IMPA2: variants seen among roughly 807,000 people sequenced by gnomAD.
The protein encoded by IMPA2 is IMP 2.
A neutral mutation model predicts 35.1 loss-of-function variants in IMPA2; 32 were observed. The ratio of observed to expected loss-of-function variants is 0.91; its 90% CI spans 0.69 to 1.23. The LOEUF (loss-of-function observed/expected upper bound fraction) is 1.23. Among genes scored for constraint, IMPA2 ranks in the 50% most tolerant of loss-of-function variants. The probability of loss-of-function intolerance (pLI) is 0.00; values close to 1 mark genes in which losing one functional copy is unlikely to be tolerated. For synonymous variants in IMPA2, 135 were observed against 160.6 expected (o/e 0.84, Z 1.20); for missense variants, 334 against 387.6 (o/e 0.86, Z 1.16).
At chr18:11,984,374 G>A (rs1167394778) in intron 1 of IMPA2, among the ~76,000 whole-genome samples, 2 of 152,224 alleles carry the variant, frequency 1.3e-5, no homozygotes, top group East Asian at 3.9e-4. Flanking sequence ...AGTGACCACA[G>A]CCCCACCCCA....
In IMPA2 at chr18:12,010,098, A is replaced by C; in HGVS notation, c.335+111A>C. On this transcript the variant is annotated intron_variant, in intron 3 of 7. Coordinates refer to ENST00000269159, the MANE Select transcript of IMPA2 (RefSeq NM_014214.3). This position sits in a 1 kb window ranked among gnomAD's most constrained non-coding sequence, Gnocchi z 4.8. The stretch of plus-strand genomic sequence containing the variant: ...AAGGCAGGAATATATAAACAAACCT[A>C]TAGTACACTCATAGTCTCATCAGAA... The C allele has an allele frequency of 2.8e-6, 2 of 711,542 alleles. No individual in the cohort carries two copies. The highest frequency in any genetic ancestry group is 4.9e-6 in the Non-Finnish European group (2 of 405,408). 44.1% of individuals were successfully genotyped at this position (711,542 alleles called of 1,614,324 possible). A position where few individuals can be genotyped will look rare whatever the true frequency, so the allele number is the denominator to read the frequency against.
In IMPA2 at chr18:12,028,185, C is replaced by T. The variant is rs752002214; in HGVS notation, c.599+34C>T. 1.3e-5 allele frequency: 18 copies of T among 1,380,878 alleles called. No individual in the cohort carries two copies. The Admixed American group carries it at 3.1e-4, about 24-fold the overall frequency. 85.5% of individuals were successfully genotyped at this position (1,380,878 alleles called of 1,614,324 possible). A position where few individuals can be genotyped will look rare whatever the true frequency, so the allele number is the denominator to read the frequency against. On this transcript the variant is annotated intron_variant, in intron 6 of 7. Coordinates refer to ENST00000269159, the MANE Select transcript of IMPA2 (RefSeq NM_014214.3). ...TTCAGTTCGGGGAACACCCTGCAGC[C>T]CGAGGAGGAAGAACGGAACACGGAC...
At chr18:12,022,327 T>A (rs1907752287) in intron 5 of IMPA2, among the ~76,000 whole-genome samples, 1 of 151,308 alleles carries the variant, frequency 6.6e-6, no homozygotes, top group African/African-American at 2.4e-5. Context: ...AGGTCAGGAG[T>A]TCGAGATCAG....
chr18:11,993,502 G>A (rs558813574), intron 1 of IMPA2, among the ~76,000 whole-genome samples: 2 of 152,316 alleles, frequency 1.3e-5, no homozygotes, highest in South Asian at 2.1e-4. Context: ...GGTGCATGTC[G>A]CTGGCATCAG....
At chr18:12,007,070 C>A (rs1907268181) in intron 2 of IMPA2, among the ~76,000 whole-genome samples, 1 of 152,152 alleles carries the variant, frequency 6.6e-6, no homozygotes, top group Non-Finnish European at 1.5e-5. Context: ...GCAGAGGTTG[C>A]AGTGAGCTGA....
chr18:12,014,773 G>A (rs1226083268), intron 5 of IMPA2, among the ~76,000 whole-genome samples: 2 of 152,138 alleles, frequency 1.3e-5, no homozygotes, highest in African/African-American at 2.4e-5. Flanking sequence ...TGTGGCCCCT[G>A]AGTGTGCACA....
chr18:11,981,682 G>A lies in IMPA2; in HGVS notation c.13G>A (p.Gly5Ser). Reference sequence around the variant, plus strand: ...CGGCGAGGCCGCGATGAAGCCGAGCGGCGAGGACCAGGCGGCGCTGGCGGC... The same window carrying A: ...CGGCGAGGCCGCGATGAAGCCGAGCAGCGAGGACCAGGCGGCGCTGGCGGC... MKPS[G>S]EDQAALAAGP... The change falls in exon 1 of 8, where the codon GGC (glycine) becomes AGC (serine). Residue 5 changes from glycine (G) to serine (S), a missense_variant. Coordinates refer to ENST00000269159, the MANE Select transcript of IMPA2 (RefSeq NM_014214.3). 3 of 1,230,632 alleles carry A rather than the reference G, an allele frequency of 2.4e-6. No individual in the cohort carries two copies. Among genetic ancestry groups the A allele is most frequent in the Non-Finnish European group, 3.0e-6 (3 of 986,882 alleles). 76.2% of individuals were successfully genotyped at this position (1,230,632 alleles called of 1,614,324 possible). A position where few individuals can be genotyped will look rare whatever the true frequency, so the allele number is the denominator to read the frequency against.
chr18:12,020,486 A>G (rs551104909), intron 5 of IMPA2, among the ~76,000 whole-genome samples: 10 of 152,208 alleles, frequency 6.6e-5, no homozygotes, highest in Admixed American at 2.0e-4. Context: ...AGCCACTGTG[A>G]CTGGCCTCTT....
chr18:11,992,712 A>T (rs1678299557), intron 1 of IMPA2, among the ~76,000 whole-genome samples: 1 of 152,122 alleles, frequency 6.6e-6, no homozygotes, highest in Admixed American at 6.6e-5. Flanking sequence ...AAACCAGGAT[A>T]CCTAACTCAT....
rs538477608 is a variant in IMPA2 at position 11,981,516 on chromosome 18, C to A, written c.-154C>A. The A allele has an allele frequency of 5.5e-5, 25 of 456,262 alleles. No individual in the cohort carries two copies. Among genetic ancestry groups the A allele is most frequent in the African/African-American group, 1.0e-4 (5 of 49,346 alleles). The allele number at this position is 456,262 out of a possible 1,614,324, so 28.3% of individuals were successfully genotyped here. A position where few individuals can be genotyped will look rare whatever the true frequency, so the allele number is the denominator to read the frequency against. On this transcript the variant is annotated 5_prime_UTR_variant, in exon 1 of 8. Coordinates refer to ENST00000269159, the MANE Select transcript of IMPA2 (RefSeq NM_014214.3). ...CCCGCGGCCCGCTGGCTGCCCTTCC[C>A]GCCAGCGCAGGTGTGGGACGGGCGG...
At chr18:11,984,795 G>A (rs1046476986) in intron 1 of IMPA2, among the ~76,000 whole-genome samples, 5 of 150,062 alleles carry the variant, frequency 3.3e-5, no homozygotes, top group African/African-American at 1.2e-4. Context: ...GTGAAACCTC[G>A]TCTCTACTAA....
chr18:11,990,156 G>C (rs370163830), intron 1 of IMPA2, among the ~76,000 whole-genome samples: 9 of 152,204 alleles, frequency 5.9e-5, no homozygotes, highest in Non-Finnish European at 1.2e-4. Flanking sequence ...CGTTGTCCCA[G>C]CTCTGCCCTA....
At chr18:11,989,547 G>T (rs1427161813) in intron 1 of IMPA2, among the ~76,000 whole-genome samples, 1 of 152,168 alleles carries the variant, frequency 6.6e-6, no homozygotes, top group Non-Finnish European at 1.5e-5. Context: ...GGTCTCCAAG[G>T]GTCCGAGGCC....
intron 1 of IMPA2, among the ~76,000 whole-genome samples, chr18:11,995,604 TGCTGGGGAGAC>T (rs1906938817): frequency 6.6e-6 from 1 of 152,210 alleles, no homozygotes; most frequent in African/African-American, 2.4e-5. Flanking sequence ...CCAAGTGCTC[TGCTGGGGAGAC>T]GCATGGTCAC....
intron 2 of IMPA2, among the ~76,000 whole-genome samples, chr18:12,003,208 A>G (rs917835161): frequency 3.3e-5 from 5 of 152,058 alleles, no homozygotes; most frequent in Non-Finnish European, 7.4e-5. Flanking sequence ...AAAATAAAAA[A>G]TAAATAAATA....
At chr18:12,007,274 C>T (rs771529427) in intron 2 of IMPA2, among the ~76,000 whole-genome samples, 6 of 152,198 alleles carry the variant, frequency 3.9e-5, no homozygotes, top group Non-Finnish European at 5.9e-5. Context: ...CGCTCACCCA[C>T]GTGACTGCCA....
Position 12,028,900 on chromosome 18 carries a change from G to A in IMPA2, c.658G>A (p.Asp220Asn). The A allele has an allele frequency of 1.9e-6, 3 of 1,614,184 alleles. No individual in the cohort carries two copies. Among genetic ancestry groups the A allele is most frequent in the Non-Finnish European group, 2.5e-6 (3 of 1,180,040 alleles). Residue 220 changes from aspartate (D) to asparagine (N), a missense_variant, in exon 7 of 8, where the codon GAT (aspartate) becomes AAT (asparagine). Physicochemically the swap from Asp to Asn is conservative, Grantham distance 23. Transcript: ENST00000269159. ...CTGCCACCTGGCCTCAGGGGCCGCG[G>A]ATGCCTATTACCAGTTTGGCCTGCA... is the stretch of plus-strand genomic sequence containing the variant. Reference protein sequence around the residue: ...ALCHLASGAADAYYQFGLHCW... With the variant: ...ALCHLASGAANAYYQFGLHCW...
chr18:12,012,040 T>A, intron 3 of IMPA2, 130 bp from the exon 4 acceptor site: 1 of 725,448 alleles, frequency 1.4e-6, no homozygotes, highest in Non-Finnish European at 2.4e-6. Context: ...TGGGAAGTAG[T>A]TTTTAAACAA....
At chr18:12,019,040 G>A (rs75416494) in intron 5 of IMPA2, among the ~76,000 whole-genome samples, 23,810 of 151,902 alleles carry the variant, frequency 0.16, 2,591 homozygotes, top group African/African-American at 0.3. Flanking sequence ...TTCCCAGGCT[G>A]GTCTCGAATT....
Sources: gnomAD v4.1 joint callset for allele counts (sites outside exome capture counted in the v4.1 genomes callset) on GRCh38, gnomAD v4.1.1 for gene constraint, Gnocchi (gnomAD v3.1) non-coding constraint, MANE v1.5 for transcripts, NCBI Gene and HGNC (gene_info 2026-07-23, HGNC 2026-07-21) for gene names.